The following SLC13A3 variants were observed in gnomAD, a reference collection of about 807,000 sequenced individuals.
SLC13A3 encodes the protein solute carrier family 13 member 3, also known as Na(+)/dicarboxylate cotransporter 3.
Under a neutral mutation model 59.0 loss-of-function variants are expected in SLC13A3, and 40 were observed. The observed-to-expected ratio is 0.68, with a 90% CI of 0.53 to 0.88. The LOEUF is 0.88. SLC13A3 is among the 40% of genes least tolerant of loss of function. The probability of loss-of-function intolerance (pLI) is 0.00; values close to 1 mark genes in which losing one functional copy is unlikely to be tolerated. For synonymous variants in SLC13A3, 317 were observed against 330.3 expected, an observed-to-expected ratio of 0.96 and a Z score of 0.44; for missense variants, 699 against 783.2, an observed-to-expected ratio of 0.89 and a Z score of 1.28.
chr20:46,626,264 TTCTC>T (rs981324154), intron 1 of SLC13A3, among the ~76,000 whole-genome samples: 1 of 140,698 alleles, frequency 7.1e-6, no homozygotes, highest in Non-Finnish European at 1.6e-5. Flanking sequence ...TCTCCTCCCT[TTCTC>T]TCTCTCCCTC....
At chr20:46,589,089 C>A in intron 7 of SLC13A3, 71 bp downstream of exon 7, 1 of 1,398,416 alleles carries the variant, frequency 7.2e-7, no homozygotes. Flanking sequence ...GGGCCCAAGG[C>A]CAGGCCAGGA....
At chr20:46,658,986 T>C (rs1223568963) in intron 1 of SLC13A3, among the ~76,000 whole-genome samples, 1 of 152,206 alleles carries the variant, frequency 6.6e-6, no homozygotes, top group Non-Finnish European at 1.5e-5. Context: ...ATAGTTTTCT[T>C]ATGCTCAAAG....
At chr20:46,567,218 T>C (rs1404829960) in intron 10 of SLC13A3, among the ~76,000 whole-genome samples, 1 of 152,086 alleles carries the variant, frequency 6.6e-6, no homozygotes, top group Non-Finnish European at 1.5e-5. Flanking sequence ...TATTTGTATA[T>C]ATACACACAT....
chr20:46,647,712 C>A (rs921205223), intron 1 of SLC13A3, among the ~76,000 whole-genome samples: 3 of 152,164 alleles, frequency 2.0e-5, no homozygotes, highest in South Asian at 4.1e-4. Context: ...TCCAGCCTCC[C>A]CGAAGACAAG....
intron 1 of SLC13A3, among the ~76,000 whole-genome samples, chr20:46,618,921 C>T (rs2122769394): frequency 6.6e-6 from 1 of 152,342 alleles, no homozygotes. Context: ...TAGCCACGAA[C>T]TTCAGTTGCC....
At chr20:46,591,027 G>A (rs928590892) in intron 6 of SLC13A3, among the ~76,000 whole-genome samples, 35 of 151,384 alleles carry the variant, frequency 2.3e-4, no homozygotes, top group African/African-American at 8.2e-4. Context: ...AAAATTAGCT[G>A]GGCAAGGTGG....
At chr20:46,604,683 C>G (rs1224819262) in intron 3 of SLC13A3, among the ~76,000 whole-genome samples, 1 of 152,104 alleles carries the variant, frequency 6.6e-6, no homozygotes, top group Non-Finnish European at 1.5e-5. Context: ...CTGTTGACCC[C>G]CTGCAGGGGC....
chr20:46,679,667 G>A (rs1442415464), intron 1 of SLC13A3, among the ~76,000 whole-genome samples: 1 of 152,126 alleles, frequency 6.6e-6, no homozygotes, highest in African/African-American at 2.4e-5. Context: ...CAGCATTTTG[G>A]GAGGCCAAGG....
chr20:46,636,685 T>C (rs776914047), intron 1 of SLC13A3, among the ~76,000 whole-genome samples: 1 of 152,198 alleles, frequency 6.6e-6, no homozygotes, highest in African/African-American at 2.4e-5. Flanking sequence ...GTGCCTGGCT[T>C]TCACCTGCAG....
At chr20:46,674,588 T>TGC (rs549666867), upstream of SLC13A3, among the ~76,000 whole-genome samples, 74 of 136,832 alleles carry the variant, frequency 5.4e-4, no homozygotes, top group Middle Eastern at 4.0e-3. Context: ...AGGTGGGGAG[T>TGC]GCGCGCGCGC....
chr20:46,659,595 G>C (rs1436516304), intron 1 of SLC13A3, among the ~76,000 whole-genome samples: 1 of 151,770 alleles, frequency 6.6e-6, no homozygotes, highest in Non-Finnish European at 1.5e-5. Context: ...GGCATCTGTA[G>C]TCCCAGCTAC....
chr20:46,617,734 C>T (rs2062574549), intron 1 of SLC13A3, among the ~76,000 whole-genome samples: 1 of 152,206 alleles, frequency 6.6e-6, no homozygotes, highest in South Asian at 2.1e-4. Context: ...TGTGGGCCTC[C>T]AGGCAGAAGA....
At chr20:46,599,409 A>C (rs1435835656) in intron 4 of SLC13A3, among the ~76,000 whole-genome samples, 1 of 152,238 alleles carries the variant, frequency 6.6e-6, no homozygotes, top group Non-Finnish European at 1.5e-5. Flanking sequence ...CTCTGTCTAC[A>C]TTATCTCATT....
intron 9 of SLC13A3, 41 bp downstream of exon 9, chr20:46,583,531 C>A (rs930799736): frequency 8.2e-6 from 13 of 1,585,208 alleles, no homozygotes; most frequent in Admixed American, 1.8e-5. Context: ...ATGCCGCAGT[C>A]CTCACTGAGC....
At chr20:46,674,498 C>T (rs575483852), upstream of SLC13A3, among the ~76,000 whole-genome samples, 1 of 152,062 alleles carries the variant, frequency 6.6e-6, no homozygotes, top group African/African-American at 2.4e-5. Flanking sequence ...CGGCAGCAGA[C>T]CCCCAGTGTT....
At chr20:46,583,106 T>TA in intron 9 of SLC13A3, 4 of 984,082 alleles carry the variant, frequency 4.1e-6, no homozygotes, top group Non-Finnish European at 4.8e-6. Context: ...ACAAGAAAAA[T>TA]AAACATTTTT....
Position 46,593,062 on chromosome 20 carries a change from G to T in SLC13A3, c.795-533C>A, listed in dbSNP as rs149753756. Among the ~76,000 whole-genome samples, 90 of 152,334 alleles carry T rather than the reference G, an allele frequency of 5.9e-4. 1 individual carries two copies. The highest frequency in any genetic ancestry group is 2.1e-3 in the African/African-American group (89 of 41,568). The stretch of plus-strand genomic sequence containing the variant: ...TATGCTCAAAGACCCTGGGCATTTT[G>T]TCCAGGCAATGGTGATGTCGATGAG... On this transcript the variant is annotated intron_variant, in intron 5 of 12. Transcript: ENST00000279027.
At chr20:46,600,118 G>T in intron 3 of SLC13A3, 81 bp from the exon 4 acceptor site, 2 of 1,083,548 alleles carry the variant, frequency 1.8e-6, no homozygotes, top group South Asian at 2.2e-5. Flanking sequence ...AGTCAGTCAA[G>T]AATGCTTTCT....
intron 1 of SLC13A3, among the ~76,000 whole-genome samples, chr20:46,669,662 G>A (rs113679761): frequency 0.02 from 2,990 of 152,268 alleles, 44 homozygotes; most frequent in Non-Finnish European, 0.03. Flanking sequence ...GCAAATTAGA[G>A]AATGTGACTC....
Sources: allele counts gnomAD v4.1 joint callset (sites outside exome capture counted in the v4.1 genomes callset), GRCh38; gene constraint gnomAD v4.1.1; transcripts MANE v1.5; gene names NCBI Gene and HGNC (gene_info 2026-07-23, HGNC 2026-07-21).